PCDH15: variants seen among roughly 807,000 people sequenced by gnomAD.
PCDH15 encodes protocadherin-15.
Under a neutral mutation model 178.5 loss-of-function variants are expected in PCDH15, and 129 were observed. That is an observed-to-expected ratio of 0.72 (90% confidence interval 0.63 to 0.84). The LOEUF (loss-of-function observed/expected upper bound fraction) is 0.84. Among genes scored for constraint, PCDH15 ranks in the 40% least tolerant of loss-of-function variants. The pLI is 0.00. For missense variants in PCDH15, 2,230 were observed against 2,099.9 expected, an observed-to-expected ratio of 1.06 and a Z score of -1.21; for synonymous variants, 800 against 732.0, an observed-to-expected ratio of 1.09 and a Z score of -1.50.
intron 1 of PCDH15, among the ~76,000 whole-genome samples, chr10:54,727,308 T>G (rs1048938659): frequency 4.6e-5 from 7 of 151,424 alleles, no homozygotes; most frequent in African/African-American, 1.7e-4. Context: ...CTCTCAAAAC[T>G]ATACCATTAC....
At position 54,543,120 on chromosome 10, in the gene PCDH15, G is replaced by A. The variant is rs1590004345; in HGVS notation, c.92-15243C>T. On this transcript the variant is annotated intron_variant, in intron 2 of 37. Transcript: ENST00000644397. ...GAGAGCCGTGGCCCCCCAAAACTCCGAATGGCCCACTCCAAGGGAAAACCA... is the reference window on the plus strand; with the variant it reads ...GAGAGCCGTGGCCCCCCAAAACTCCAAATGGCCCACTCCAAGGGAAAACCA... Among the ~76,000 whole-genome samples, 3 of 150,314 alleles carry A rather than the reference G, an allele frequency of 2.0e-5. No homozygotes were observed. In the South Asian group the frequency reaches 6.6e-4, roughly 33 times the overall value.
At chr10:54,716,746 C>T (rs1161608063) in intron 1 of PCDH15, among the ~76,000 whole-genome samples, 11 of 151,714 alleles carry the variant, frequency 7.3e-5, no homozygotes, top group Admixed American at 1.3e-4. Context: ...CTTCACAGAA[C>T]TGGAAAAAAC....
chr10:55,490,976 TGTAA>T (rs1840400051), intron 2 of PCDH15, among the ~76,000 whole-genome samples: 1 of 151,782 alleles, frequency 6.6e-6, no homozygotes, highest in South Asian at 2.1e-4. Context: ...AATACTACAA[TGTAA>T]GTATTAGTGA....
chr10:55,244,139 A>T (rs1841627564), intron 1 of PCDH15, among the ~76,000 whole-genome samples: 3 of 152,092 alleles, frequency 2.0e-5, no homozygotes. Flanking sequence ...CCAAAATGGA[A>T]TGTGATGCAC....
intron 35 of PCDH15, among the ~76,000 whole-genome samples, chr10:53,815,728 CAAT>C (rs1392274656): frequency 6.6e-6 from 1 of 151,300 alleles, no homozygotes; most frequent in African/African-American, 2.4e-5. Flanking sequence ...TAAGTAAATA[CAAT>C]AATATATATT....
intron 2 of PCDH15, among the ~76,000 whole-genome samples, chr10:55,585,749 A>G (rs1842714983): frequency 6.6e-6 from 1 of 151,986 alleles, no homozygotes; most frequent in South Asian, 2.1e-4. Flanking sequence ...GTGTATATAT[A>G]TATGTGTGTG....
intron 5 of PCDH15, among the ~76,000 whole-genome samples, chr10:54,355,829 T>C (rs1426287519): frequency 6.6e-6 from 1 of 152,064 alleles, no homozygotes; most frequent in African/African-American, 2.4e-5. Flanking sequence ...TGCAAACCTT[T>C]ACATTAGTAA....
intron 21 of PCDH15, among the ~76,000 whole-genome samples, chr10:53,966,743 A>T (rs2089060977): frequency 6.6e-6 from 1 of 151,988 alleles, no homozygotes; most frequent in Non-Finnish European, 1.5e-5. Context: ...ACTTTATTCC[A>T]CTAAAATATA....
At chr10:55,062,645 A>G (rs1294760405) in intron 2 of PCDH15, among the ~76,000 whole-genome samples, 1 of 152,188 alleles carries the variant, frequency 6.6e-6, no homozygotes, top group Non-Finnish European at 1.5e-5. Flanking sequence ...ATTCTGTATG[A>G]TGCTATAATG....
chr10:55,531,126 T>A (rs927648556), intron 2 of PCDH15, among the ~76,000 whole-genome samples: 2 of 151,990 alleles, frequency 1.3e-5, no homozygotes, highest in Non-Finnish European at 2.9e-5. Context: ...AACTGGAGTG[T>A]TTTAGCTATT....
chr10:55,169,417 CCAA>C lies in PCDH15; in HGVS notation c.-155-2769_-155-2767del, dbSNP rs1259320678. Among the ~76,000 whole-genome samples the C allele has an allele frequency of 1.2e-3, 177 of 152,204 alleles. 3 individuals carry two copies. The highest frequency in any genetic ancestry group is 1.5e-4 in the Non-Finnish European group (10 of 67,982). On this transcript the variant is annotated intron_variant, in intron 1 of 5. Coordinates refer to the PCDH15 transcript ENST00000458638. Reference sequence around the variant, plus strand: ...TATGTTGTAGTAATACAGTATTTAACCAACAAGATTCATTATTTAACTACATTT... The same window carrying C: ...TATGTTGTAGTAATACAGTATTTAACCAAGATTCATTATTTAACTACATTT...
At chr10:55,568,972 G>C (rs555625038) in intron 2 of PCDH15, among the ~76,000 whole-genome samples, 3 of 152,142 alleles carry the variant, frequency 2.0e-5, no homozygotes, top group African/African-American at 7.2e-5. Flanking sequence ...ATGGTGGAGA[G>C]AGTGGTGTTG....
intron 1 of PCDH15, among the ~76,000 whole-genome samples, chr10:54,746,217 T>G (rs1945441902): frequency 6.6e-6 from 1 of 152,108 alleles, no homozygotes; most frequent in Non-Finnish European, 1.5e-5. Context: ...TGCTGGATGA[T>G]TTGCGCCCTC....
At chr10:55,518,525 G>A (rs955610918) in intron 2 of PCDH15, among the ~76,000 whole-genome samples, 3 of 151,940 alleles carry the variant, frequency 2.0e-5, no homozygotes, top group Non-Finnish European at 4.4e-5. Context: ...GACAGCTGGG[G>A]CACAGAGGGA....
At chr10:54,971,975 G>A (rs1053394587) in intron 2 of PCDH15, among the ~76,000 whole-genome samples, 4 of 152,088 alleles carry the variant, frequency 2.6e-5, no homozygotes, top group African/African-American at 7.2e-5. Flanking sequence ...GGACACTGTC[G>A]ATTCCCTGAT....
chr10:54,185,152 C>T lies in PCDH15; in HGVS notation c.1422G>A (p.Gln474=), dbSNP rs2048376220. The part of the protein sequence containing the change: ...TLLQPVDREE[Q]QTYTFSITAF... ...TCTTTACCGAAAAGGTGTAAGTTTG[C>T]TGTTCTTCCCTGTCCACTGGTTGAA... Residue 474 remains glutamine (Q), a synonymous_variant, in exon 12 of 38, where the codon CAG becomes CAA. Transcript: ENST00000644397. 1 of 1,613,488 alleles carries T rather than the reference C, an allele frequency of 6.2e-7. No homozygotes were observed. Among genetic ancestry groups the T allele is most frequent in the African/African-American group, 1.3e-5 (1 of 74,974 alleles).
intron 2 of PCDH15, among the ~76,000 whole-genome samples, chr10:54,537,368 G>T (rs2084694324): frequency 6.6e-6 from 1 of 152,066 alleles, no homozygotes; most frequent in Non-Finnish European, 1.5e-5. Context: ...CTGGTATCAA[G>T]TCTGAAACTA....
At chr10:54,434,304 T>A (rs2075236935) in intron 3 of PCDH15, among the ~76,000 whole-genome samples, 1 of 152,206 alleles carries the variant, frequency 6.6e-6, no homozygotes, top group Non-Finnish European at 1.5e-5. Flanking sequence ...TCTACAGTAA[T>A]GTACAGTAAT....
At chr10:54,356,835 G>T (rs1024081489) in intron 5 of PCDH15, among the ~76,000 whole-genome samples, 1 of 152,072 alleles carries the variant, frequency 6.6e-6, no homozygotes, top group Non-Finnish European at 1.5e-5. Flanking sequence ...ATTCATCCCC[G>T]GGATGCAAGG....
Sources: gnomAD v4.1 joint callset for allele counts (sites outside exome capture counted in the v4.1 genomes callset) on GRCh38, gnomAD v4.1.1 for gene constraint, MANE v1.5 for transcripts, NCBI Gene and HGNC (gene_info 2026-07-23, HGNC 2026-07-21) for gene names.